The following NRXN3 variants were observed in gnomAD, a reference collection of about 807,000 sequenced individuals.
The protein encoded by NRXN3 is neurexin III.
A neutral mutation model predicts 137.6 loss-of-function variants in NRXN3; 32 were observed. That is an observed-to-expected ratio of 0.23 (90% CI 0.18 to 0.31). NRXN3 has a LOEUF of 0.31. Ranked by LOEUF, NRXN3 falls within the 10% of genes least tolerant of loss-of-function variation. The pLI is 1.00. For missense variants in NRXN3, 1,574 were observed against 2,062.5 expected (o/e 0.76, Z 4.59); for synonymous variants, 798 against 784.5 (o/e 1.02, Z -0.29).
At chr14:78,360,637 A>T (rs897732091) in intron 4 of NRXN3, among the ~76,000 whole-genome samples, 1 of 152,226 alleles carries the variant, frequency 6.6e-6, no homozygotes, top group Non-Finnish European at 1.5e-5. Context: ...GGGTAAGTTA[A>T]TACACGTAAG....
chr14:78,643,133 G>T (rs1196867875), intron 4 of NRXN3, among the ~76,000 whole-genome samples: 2 of 152,158 alleles, frequency 1.3e-5, no homozygotes. Flanking sequence ...GTAGTGGGTA[G>T]AAGTCTTTTC....
intron 16 of NRXN3, among the ~76,000 whole-genome samples, chr14:79,605,964 C>G (rs2098008434): frequency 6.6e-6 from 1 of 152,114 alleles, no homozygotes; most frequent in South Asian, 2.1e-4. Flanking sequence ...GTTAATCATG[C>G]CAGGCTGATG....
chr14:79,829,183 T>TA (rs1469140297), intron 20 of NRXN3, among the ~76,000 whole-genome samples: 6 of 152,204 alleles, frequency 3.9e-5, no homozygotes, highest in African/African-American at 7.2e-5. Context: ...TGCTTACAGT[T>TA]AGAATAAAAG....
chr14:79,480,851 T>C (rs1057009278), intron 16 of NRXN3, among the ~76,000 whole-genome samples: 17 of 152,172 alleles, frequency 1.1e-4, no homozygotes, highest in Admixed American at 6.5e-4. Flanking sequence ...TAAGATGTGC[T>C]AGCTTCCCCT....
intron 1 of NRXN3, among the ~76,000 whole-genome samples, chr14:78,192,912 A>G (rs147880185): frequency 1.8e-3 from 274 of 152,328 alleles, no homozygotes; most frequent in African/African-American, 6.1e-3. Flanking sequence ...AACGCCTTCT[A>G]CCTTCCTGAT....
At chr14:78,890,937 C>T (rs2099157115) in intron 10 of NRXN3, among the ~76,000 whole-genome samples, 1 of 151,894 alleles carries the variant, frequency 6.6e-6, no homozygotes, top group African/African-American at 2.4e-5. Flanking sequence ...AAAATGCTGC[C>T]ATCATACCAT....
At chr14:78,177,459 T>G (rs1358802113) in intron 1 of NRXN3, among the ~76,000 whole-genome samples, 1 of 152,114 alleles carries the variant, frequency 6.6e-6, no homozygotes, top group East Asian at 1.9e-4. Context: ...GCCAAGACCT[T>G]GAAGCAGAGC....
chr14:79,813,530 G>T (rs1046250248), intron 20 of NRXN3, among the ~76,000 whole-genome samples: 2 of 151,792 alleles, frequency 1.3e-5, no homozygotes, highest in Admixed American at 6.6e-5. Flanking sequence ...TTCAAATACT[G>T]AGAGATATAT....
intron 15 of NRXN3, among the ~76,000 whole-genome samples, chr14:79,213,223 C>T (rs1356331841): frequency 6.6e-6 from 1 of 151,948 alleles, no homozygotes; most frequent in Admixed American, 6.6e-5. Flanking sequence ...AGGTGTATGC[C>T]TCTATAGATG....
intron 19 of NRXN3, among the ~76,000 whole-genome samples, chr14:79,746,320 T>C (rs970851499): frequency 1.3e-5 from 2 of 152,190 alleles, no homozygotes; most frequent in Admixed American, 6.6e-5. Context: ...AATTTTATGA[T>C]GAAGCAAGTT....
At chr14:79,671,456 C>T (rs1330846620) in intron 17 of NRXN3, among the ~76,000 whole-genome samples, 1 of 152,068 alleles carries the variant, frequency 6.6e-6, no homozygotes, top group Non-Finnish European at 1.5e-5. Context: ...GGCATCTATA[C>T]ATATTTGGCT....
intron 19 of NRXN3, among the ~76,000 whole-genome samples, chr14:79,713,385 A>G (rs2098812103): frequency 6.7e-6 from 1 of 148,426 alleles, no homozygotes; most frequent in African/African-American, 2.5e-5. Context: ...ACTATAACAC[A>G]CACACATACA....
At chr14:78,945,280 C>A (rs1483370239) in intron 10 of NRXN3, among the ~76,000 whole-genome samples, 1 of 152,016 alleles carries the variant, frequency 6.6e-6, no homozygotes, top group African/African-American at 2.4e-5. Flanking sequence ...ATTTAAATTT[C>A]TTTTAATCTG....
intron 19 of NRXN3, among the ~76,000 whole-genome samples, chr14:79,745,644 G>T (rs548571123): frequency 6.6e-6 from 1 of 152,000 alleles, no homozygotes; most frequent in African/African-American, 2.4e-5. Context: ...GTTTCCTAGG[G>T]CTTCTGTAAT....
intron 16 of NRXN3, among the ~76,000 whole-genome samples, chr14:79,473,554 T>G (rs766884589): frequency 5.2e-4 from 79 of 152,128 alleles, no homozygotes; most frequent in Non-Finnish European, 1.0e-3. Flanking sequence ...GTGACAGAAT[T>G]GGATTTGAGT....
At chr14:79,150,790 T>C (rs1247411319) in intron 15 of NRXN3, among the ~76,000 whole-genome samples, 2 of 151,714 alleles carry the variant, frequency 1.3e-5, no homozygotes, top group African/African-American at 2.4e-5. Flanking sequence ...AAATCAGTTA[T>C]ACAATTTAAA....
intron 10 of NRXN3, among the ~76,000 whole-genome samples, chr14:78,884,207 C>G (rs2099136802): frequency 6.6e-6 from 1 of 152,172 alleles, no homozygotes; most frequent in Admixed American, 6.5e-5. Flanking sequence ...GTGACCCACC[C>G]TTACTTTCTC....
At chr14:78,533,762 C>T (rs1385587648) in intron 4 of NRXN3, among the ~76,000 whole-genome samples, 1 of 152,238 alleles carries the variant, frequency 6.6e-6, no homozygotes, top group Non-Finnish European at 1.5e-5. Flanking sequence ...CACTCACTTT[C>T]TCCATCCGTT....
In NRXN3 at chr14:79,205,631, C is replaced by A. The variant is rs369266891; in HGVS notation, c.3262+217490C>A. 3.3e-5 allele frequency among the ~76,000 whole-genome samples: 5 copies of A among 152,240 alleles called. No individual in the cohort carries two copies. The East Asian group carries it at 9.6e-4, about 29-fold the overall frequency. On this transcript the variant is annotated intron_variant, in intron 15 of 20. Transcript: ENST00000335750. ...TTTTTATTGCTTGGATTAATTCAGTCCTAATAGAGCATAATGGTATGGAAA... is the reference window on the plus strand; with the variant it reads ...TTTTTATTGCTTGGATTAATTCAGTACTAATAGAGCATAATGGTATGGAAA...
Sources: allele counts gnomAD v4.1 joint callset (sites outside exome capture counted in the v4.1 genomes callset), GRCh38; gene constraint gnomAD v4.1.1; transcripts MANE v1.5; gene names NCBI Gene and HGNC (gene_info 2026-07-23, HGNC 2026-07-21).